The following RNF135 variants were observed in gnomAD, a reference collection of about 807,000 sequenced individuals.
RNF135 encodes the protein ring finger protein 135, also known as E3 ubiquitin-protein ligase RNF135.
A neutral mutation model predicts 41.9 loss-of-function variants in RNF135; 46 were observed. That is an observed-to-expected ratio of 1.10 (90% CI 0.87 to 1.40). The LOEUF (loss-of-function observed/expected upper bound fraction) is 1.40. RNF135 is among the 40% of genes most tolerant of loss of function. The probability of loss-of-function intolerance (pLI) is 0.00; values close to 1 mark genes in which losing one functional copy is unlikely to be tolerated. For synonymous variants in RNF135, 238 were observed against 223.8 expected, an observed-to-expected ratio of 1.06 and a Z score of -0.57; for missense variants, 539 against 549.8, an observed-to-expected ratio of 0.98 and a Z score of 0.20.
chr17:30,979,930 C>T (rs1365044325), intron 1 of RNF135, among the ~76,000 whole-genome samples: 2 of 102,686 alleles, frequency 1.9e-5, no homozygotes, highest in Admixed American at 8.8e-5. Flanking sequence ...CCAGTAGGGG[C>T]GGCCGGGCAG....
At position 30,971,447 on chromosome 17, in the gene RNF135, T is replaced by A; in HGVS notation, c.372+2T>A. 6.7e-7 allele frequency: 1 copy of A among 1,499,190 alleles called. No homozygotes were observed. The highest frequency in any genetic ancestry group is 8.8e-7 in the Non-Finnish European group (1 of 1,132,970). 92.9% of individuals were successfully genotyped at this position (1,499,190 alleles called of 1,614,324 possible). ...CGGCGCCGCCCGGAACTGCAGCGGGTAGGGAGGCCGGGCCCGCAGCTCCCC... is the reference window on the plus strand; with the variant it reads ...CGGCGCCGCCCGGAACTGCAGCGGGAAGGGAGGCCGGGCCCGCAGCTCCCC... On this transcript the variant is annotated splice_donor_variant, in intron 1 of 4. Transcript: ENST00000328381. LOFTEE classifies it high-confidence loss of function.
chr17:30,984,713 C>G lies in RNF135; in HGVS notation c.469C>G (p.Pro157Ala), dbSNP rs747236561. 1 of 1,613,958 alleles carries G rather than the reference C, an allele frequency of 6.2e-7. No homozygotes were observed. Among genetic ancestry groups the G allele is most frequent in the Non-Finnish European group, 8.5e-7 (1 of 1,180,000 alleles). ...TGTCAGAAGCCTGCAGAATCAGAGG[C>G]CCCTATCAGAATCTGGACCAGACAA... Reference protein sequence around the residue: ...DIVRSLQNQRPLSESGPDNEL... With the variant: ...DIVRSLQNQRALSESGPDNEL... Residue 157 changes from proline (P) to alanine (A), a missense_variant, in exon 2 of 5, where the codon CCC (proline) becomes GCC (alanine). Around this residue, in one of 2 missense-constraint regions of RNF135, gnomAD observed 262 missense variants for 336.9 expected, o/e 0.78. Coordinates refer to ENST00000328381, the MANE Select transcript of RNF135 (RefSeq NM_032322.4).
At chr17:30,980,774 G>A (rs1907071078) in intron 1 of RNF135, among the ~76,000 whole-genome samples, 1 of 148,758 alleles carries the variant, frequency 6.7e-6, no homozygotes, top group South Asian at 2.2e-4. Context: ...GGGCGGCCGG[G>A]CAGAGACGCT....
At chr17:30,975,834 T>TC in intron 1 of RNF135, 2 of 930,840 alleles carry the variant, frequency 2.1e-6, no homozygotes, top group South Asian at 1.3e-5. Context: ...CACAGAATAG[T>TC]CCATTTTGGC....
intron 1 of RNF135, among the ~76,000 whole-genome samples, chr17:30,979,501 C>T (rs1475884172): frequency 8.1e-6 from 1 of 122,920 alleles, no homozygotes; most frequent in Admixed American, 7.5e-5. Flanking sequence ...CTGACCCCCC[C>T]CACCTCCCTC....
chr17:30,966,553 G>A (rs966997642), upstream of RNF135, among the ~76,000 whole-genome samples: 5 of 151,006 alleles, frequency 3.3e-5, no homozygotes, highest in Non-Finnish European at 7.4e-5. Context: ...GGAGTGCAGT[G>A]GCGCGATCTT....
intron 1 of RNF135, chr17:30,980,041 C>A: frequency 7.6e-6 from 1 of 131,690 alleles, no homozygotes. Context: ...GGGGCTGACC[C>A]CCCACCTCCC....
At chr17:30,990,320 C>CGA (rs111259648) in intron 3 of RNF135, among the ~76,000 whole-genome samples, 3,799 of 152,098 alleles carry the variant, frequency 0.025, 165 homozygotes, top group African/African-American at 0.087. Flanking sequence ...GTCAGGAGTT[C>CGA]GAGAGCAGCC....
At chr17:30,997,182 A>G in intron 3 of RNF135, 60 bp from the exon 4 acceptor site, 1 of 1,271,452 alleles carries the variant, frequency 7.9e-7, no homozygotes, top group South Asian at 1.2e-5. Flanking sequence ...TGATGTTTGG[A>G]GACCTTCAGT....
In RNF135 at chr17:30,971,223, C is replaced by T. The variant is rs1905885735; in HGVS notation, c.150C>T (p.Gly50=). 3 of 1,511,398 alleles carry T rather than the reference C, an allele frequency of 2.0e-6. No individual in the cohort carries two copies. Among genetic ancestry groups the T allele is most frequent in the Non-Finnish European group, 2.6e-6 (3 of 1,136,884 alleles). 93.6% of individuals were successfully genotyped at this position (1,511,398 alleles called of 1,614,324 possible). ...FCRHCLEALW[G]ARDARRWACP... ...GCCACTGCCTGGAGGCCCTGTGGGG[C>T]GCCCGCGACGCCCGCCGCTGGGCCT... The change falls in exon 1 of 5, where the codon GGC becomes GGT. Residue 50 remains glycine (G), a synonymous_variant. Transcript: ENST00000328381.
chr17:30,960,582 AC>A, the RNF135 span, among the ~76,000 whole-genome samples: 1 of 151,812 alleles, frequency 6.6e-6, no homozygotes, highest in South Asian at 2.1e-4. Context: ...GTTATGTCAC[AC>A]CCCAAAACTC....
intron 1 of RNF135, 118 bp from the exon 2 acceptor site, chr17:30,984,499 A>T (rs1375408543): frequency 9.8e-7 from 1 of 1,024,800 alleles, no homozygotes; most frequent in Non-Finnish European, 1.5e-6. Flanking sequence ...ATTGTATTCC[A>T]TCGGTCTGTA....
At chr17:30,987,152 G>A (rs1356215640) in intron 2 of RNF135, among the ~76,000 whole-genome samples, 4 of 152,058 alleles carry the variant, frequency 2.6e-5, no homozygotes, top group Non-Finnish European at 4.4e-5. Flanking sequence ...GCCCTAGAAA[G>A]CAGGACCTGG....
chr17:30,960,580 A>G, the RNF135 span, among the ~76,000 whole-genome samples: 1 of 151,950 alleles, frequency 6.6e-6, no homozygotes, highest in African/African-American at 2.4e-5. Context: ...CAGTTATGTC[A>G]CACCCCAAAA....
At chr17:30,988,416 ATTTTTTTTT>A (rs56955275) in intron 3 of RNF135, among the ~76,000 whole-genome samples, 2 of 81,898 alleles carry the variant, frequency 2.4e-5, no homozygotes, top group Admixed American at 1.4e-4. Context: ...GCCACTTTTA[ATTTTTTTTT>A]TTTTTTTTTT....
At chr17:30,982,230 T>A (rs1039907411) in intron 1 of RNF135, among the ~76,000 whole-genome samples, 2 of 152,172 alleles carry the variant, frequency 1.3e-5, no homozygotes, top group Non-Finnish European at 2.9e-5. Context: ...GCCTTTCAAG[T>A]TTATTTAGAG....
intron 2 of RNF135, 117 bp from the exon 3 acceptor site, chr17:30,987,827 A>G (rs752117076): frequency 9.2e-6 from 10 of 1,092,302 alleles, no homozygotes; most frequent in Non-Finnish European, 1.3e-5. Context: ...TTTTGTTTTT[A>G]AAAACTTGCT....
At chr17:30,961,898 A>G in the RNF135 span, among the ~76,000 whole-genome samples, 1 of 152,204 alleles carries the variant, frequency 6.6e-6, no homozygotes, top group African/African-American at 2.4e-5. Flanking sequence ...CATGTAAACT[A>G]CTGTGCATGT....
rs1411603702 is a variant in RNF135 at position 30,997,279 on chromosome 17, A to G, written c.717A>G (p.Pro239=). The change falls in exon 4 of 5, where the codon CCA becomes CCG. Residue 239 remains proline (P), a synonymous_variant. Coordinates refer to ENST00000328381, the MANE Select transcript of RNF135 (RefSeq NM_032322.4). Reference sequence around the variant, plus strand: ...AAGCCCCGTCTTCCTCCTCATGCCCATTGCCTGACCAGAGCCACCCTGCAC... The same window carrying G: ...AAGCCCCGTCTTCCTCCTCATGCCCGTTGCCTGACCAGAGCCACCCTGCAC... ...LLEAPSSSSC[P]LPDQSHPALR... 1.9e-6 allele frequency: 3 copies of G among 1,613,730 alleles called. No homozygotes were observed. The highest frequency in any genetic ancestry group is 1.7e-4 in the Middle Eastern group (1 of 6,060).
Sources: gnomAD v4.1 joint callset for allele counts (sites outside exome capture counted in the v4.1 genomes callset) on GRCh38, gnomAD v4.1.1 for gene constraint, gnomAD v4.1.1 regional missense constraint, MANE v1.5 for transcripts, NCBI Gene and HGNC (gene_info 2026-07-23, HGNC 2026-07-21) for gene names.